Variants in TJP1 observed in about 807,000 individuals in gnomAD.
The protein encoded by TJP1 is tight junction protein ZO-1.
Under a neutral mutation model 194.2 loss-of-function variants are expected in TJP1, and 43 were observed. The observed-to-expected ratio is 0.22, with a 90% confidence interval of 0.17 to 0.29. The LOEUF (loss-of-function observed/expected upper bound fraction) is 0.29, where lower values mean the gene tolerates loss of function less well. TJP1 is among the 10% of genes least tolerant of loss of function. TJP1 has a pLI of 1.00. For synonymous variants in TJP1, 801 were observed against 779.0 expected (o/e 1.03, Z -0.47); for missense variants, 1,971 against 2,185.7 (o/e 0.90, Z 1.96).
intron 8 of TJP1, chr15:29,759,886 C>T (rs1197764593): frequency 1.4e-5 from 4 of 289,802 alleles, no homozygotes; most frequent in South Asian, 1.3e-4. Flanking sequence ...AGGTTGACTC[C>T]ATACCTTGGC....
chr15:29,849,217 A>G (rs1258681111), intron 2 of TJP1, among the ~76,000 whole-genome samples: 3 of 152,112 alleles, frequency 2.0e-5, no homozygotes, highest in Non-Finnish European at 4.4e-5. Context: ...TACCTTTCTT[A>G]TATTTGCCAC....
intron 26 of TJP1, among the ~76,000 whole-genome samples, chr15:29,704,609 T>G (rs2041774871): frequency 6.6e-6 from 1 of 152,258 alleles, no homozygotes; most frequent in Admixed American, 6.5e-5. Flanking sequence ...TCTTTGGAAC[T>G]TGGTGTGTAT....
intron 23 of TJP1, among the ~76,000 whole-genome samples, chr15:29,711,568 G>A (rs45620736): frequency 0.064 from 9,720 of 152,138 alleles, 395 homozygotes; most frequent in Middle Eastern, 0.12. Context: ...GTTTCACCAC[G>A]TTGTCCAGGC....
intron 8 of TJP1, among the ~76,000 whole-genome samples, chr15:29,755,668 G>A (rs139427488): frequency 3.6e-4 from 55 of 152,244 alleles, no homozygotes; most frequent in African/African-American, 5.5e-4. Context: ...AACCATTTTC[G>A]TAAAATGGAT....
At chr15:29,905,349 G>T (rs1005126845) in intron 2 of TJP1, among the ~76,000 whole-genome samples, 1 of 152,022 alleles carries the variant, frequency 6.6e-6, no homozygotes, top group Non-Finnish European at 1.5e-5. Flanking sequence ...TTCCTCACAG[G>T]GTTAAAACTG....
At position 29,718,827 on chromosome 15, in the gene TJP1, A is replaced by T; in HGVS notation, c.3315T>A (p.Pro1105=). Residue 1105 remains proline (P), a synonymous_variant, in exon 21 of 28, where the codon CCT becomes CCA. Coordinates refer to ENST00000614355, the MANE Select transcript of TJP1 (RefSeq NM_001330239.4). ...GGTCTTGAGAGTGCTGATTATCAAAAGGTGGCCGAGATGGGTAGGGCTGTT... is the reference window on the plus strand; with the variant it reads ...GGTCTTGAGAGTGCTGATTATCAAATGGTGGCCGAGATGGGTAGGGCTGTT... The part of the protein sequence containing the change: ...DDKQPYPSRP[P]FDNQHSQDLD... 6.2e-7 allele frequency: 1 copy of T among 1,614,192 alleles called. No homozygotes were observed. The highest frequency in any genetic ancestry group is 8.5e-7 in the Non-Finnish European group (1 of 1,180,038).
At chr15:29,874,415 C>T (rs1370734832) in intron 2 of TJP1, among the ~76,000 whole-genome samples, 2 of 152,128 alleles carry the variant, frequency 1.3e-5, no homozygotes, top group South Asian at 4.1e-4. Context: ...TTGCAAACGA[C>T]ACATCTTAGT....
intron 2 of TJP1, among the ~76,000 whole-genome samples, chr15:29,777,700 AAAACT>A (rs1203235167): frequency 1.5e-5 from 1 of 68,932 alleles, no homozygotes; most frequent in African/African-American, 4.7e-5. Context: ...GTAACCTAAC[AAAACT>A]ACAAATGTAC....
chr15:29,898,808 G>A (rs2053554398), intron 2 of TJP1, among the ~76,000 whole-genome samples: 1 of 152,092 alleles, frequency 6.6e-6, no homozygotes, highest in Non-Finnish European at 1.5e-5. Context: ...TTTTTCACAA[G>A]CAATTTGGAC....
At chr15:29,854,079 C>T (rs1470995899) in intron 2 of TJP1, among the ~76,000 whole-genome samples, 1 of 152,144 alleles carries the variant, frequency 6.6e-6, no homozygotes, top group African/African-American at 2.4e-5. Context: ...AGTCTCTTGC[C>T]ATGTTATTTC....
At chr15:29,952,754 T>C (rs1191103065) in intron 2 of TJP1, among the ~76,000 whole-genome samples, 2 of 152,220 alleles carry the variant, frequency 1.3e-5, no homozygotes, top group Non-Finnish European at 2.9e-5. Context: ...TTCAAGGTTC[T>C]GTATTTACTT....
intron 11 of TJP1, 22 bp downstream of exon 11, chr15:29,737,242 A>G (rs1206972940): frequency 6.2e-6 from 10 of 1,611,222 alleles, no homozygotes; most frequent in East Asian, 2.2e-5. Flanking sequence ...TTTAACCCAC[A>G]TAAGTTGCAA....
intron 2 of TJP1, among the ~76,000 whole-genome samples, chr15:29,911,358 G>A (rs1354891471): frequency 6.6e-6 from 1 of 152,158 alleles, no homozygotes; most frequent in Non-Finnish European, 1.5e-5. Context: ...AGCAGAAGAA[G>A]GAAGAGGCAG....
exon 1 of TJP1, chr15:29,968,803 G>T (rs1279286978): frequency 8.6e-7 from 1 of 1,164,926 alleles, no homozygotes; most frequent in South Asian, 1.4e-5. Flanking sequence ...CGCCGCCTCC[G>T]CCGCCGCCGC....
At position 29,761,513 on chromosome 15, in the gene TJP1, TATC is replaced by T. The variant is rs1383165606; in HGVS notation, c.862+85_862+87del. On this transcript the variant is annotated intron_variant, in intron 7 of 27. Transcript: ENST00000614355. ...TGAAGGTGTTTGGCTGGTAGAAAAT[TATC>T]ATTTCATTCAAAGATGTTCAATCTC... The T allele has an allele frequency of 1.8e-5, 26 of 1,476,676 alleles. No homozygotes were observed. In the Middle Eastern group the frequency reaches 1.6e-3, roughly 92 times the overall value. 91.5% of individuals were successfully genotyped at this position (1,476,676 alleles called of 1,614,324 possible).
intron 15 of TJP1, among the ~76,000 whole-genome samples, chr15:29,729,720 T>A (rs540046878): frequency 1.3e-5 from 2 of 151,166 alleles, no homozygotes; most frequent in East Asian, 3.9e-4. Flanking sequence ...CTCGGGAGGC[T>A]GAGGCAGGAG....
At chr15:29,864,462 AAG>A (rs1370545681) in intron 2 of TJP1, among the ~76,000 whole-genome samples, 1 of 152,110 alleles carries the variant, frequency 6.6e-6, no homozygotes, top group African/African-American at 2.4e-5. Context: ...TTAGTAACTC[AAG>A]AGCTTAACAA....
At chr15:29,921,249 T>C (rs2152249545) in intron 2 of TJP1, among the ~76,000 whole-genome samples, 1 of 152,274 alleles carries the variant, frequency 6.6e-6, no homozygotes, top group Middle Eastern at 3.4e-3. Flanking sequence ...GGACCTTACC[T>C]CACTTAAAAC....
chr15:29,712,840 AATTCTG>A (rs932981275), intron 23 of TJP1, among the ~76,000 whole-genome samples: 2 of 152,042 alleles, frequency 1.3e-5, no homozygotes, highest in Non-Finnish European at 2.9e-5. Context: ...TGGGCAAAGA[AATTCTG>A]CAAGTGAAGA....
Sources: gnomAD v4.1 joint callset for allele counts (sites outside exome capture counted in the v4.1 genomes callset) on GRCh38, gnomAD v4.1.1 for gene constraint, MANE v1.5 for transcripts, NCBI Gene and HGNC (gene_info 2026-07-23, HGNC 2026-07-21) for gene names.